ZNRF3: variants seen among roughly 807,000 people sequenced by gnomAD.
ZNRF3 encodes the protein E3 ubiquitin-protein ligase ZNRF3.
A neutral mutation model predicts 72.5 loss-of-function variants in ZNRF3; 23 were observed. The ratio of observed to expected loss-of-function variants is 0.32; its 90% CI spans 0.23 to 0.45. The LOEUF is 0.45. Among genes scored for constraint, ZNRF3 ranks in the 20% least tolerant of loss-of-function variants. The pLI, the probability that ZNRF3 is intolerant of heterozygous loss-of-function variation, is 1.00. For synonymous variants in ZNRF3, 610 were observed against 545.3 expected (o/e 1.12, Z -1.65); for missense variants, 1,169 against 1,272.1 (o/e 0.92, Z 1.23).
intron 1 of ZNRF3, among the ~76,000 whole-genome samples, chr22:28,970,114 G>T (rs1301158925): frequency 6.6e-6 from 1 of 152,168 alleles, no homozygotes; most frequent in Admixed American, 6.5e-5. Context: ...GATAATTACT[G>T]TAAGATTCAA....
intron 2 of ZNRF3, among the ~76,000 whole-genome samples, chr22:29,001,736 G>T (rs1311722311): frequency 6.6e-6 from 1 of 152,164 alleles, no homozygotes; most frequent in Non-Finnish European, 1.5e-5. Context: ...GCCTCCCAAA[G>T]TGCTGGGATT....
intron 1 of ZNRF3, among the ~76,000 whole-genome samples, chr22:28,982,309 G>A (rs965613837): frequency 1.3e-5 from 2 of 151,820 alleles, no homozygotes; most frequent in Admixed American, 1.3e-4. Context: ...ATTAAAATGT[G>A]TAAACCGGTC....
intron 1 of ZNRF3, among the ~76,000 whole-genome samples, chr22:28,975,320 G>A (rs1451926998): frequency 6.6e-6 from 1 of 151,920 alleles, no homozygotes; most frequent in Non-Finnish European, 1.5e-5. Context: ...TGGCCAATAT[G>A]GTGAAACCCT....
At chr22:29,047,853 A>T (rs1407427637) in intron 6 of ZNRF3, among the ~76,000 whole-genome samples, 2 of 152,168 alleles carry the variant, frequency 1.3e-5, no homozygotes, top group Admixed American at 6.5e-5. Flanking sequence ...CTTATAAACC[A>T]CACACCCCAT....
rs971953957 is a variant in ZNRF3 at position 28,884,182 on chromosome 22, G to A, written c.300+116G>A. On this transcript the variant is annotated intron_variant, in intron 1 of 8. Coordinates refer to ENST00000544604, the MANE Select transcript of ZNRF3 (RefSeq NM_001206998.2). ...TGGCGGGCGGGCGGGAGGGGTGGCCGAGAGGCCGGCGGCATCCCTCCCCTG... is the reference window on the plus strand; with the variant it reads ...TGGCGGGCGGGCGGGAGGGGTGGCCAAGAGGCCGGCGGCATCCCTCCCCTG... 3.6e-6 allele frequency: 3 copies of A among 822,956 alleles called. No homozygotes were observed. In the African/African-American group the frequency reaches 5.6e-5, roughly 15 times the overall value. The allele number at this position is 822,956 out of a possible 1,614,324, so 51.0% of individuals were successfully genotyped here. A position where few individuals can be genotyped will look rare whatever the true frequency, so the allele number is the denominator to read the frequency against.
chr22:28,931,587 A>T (rs1196135409), intron 1 of ZNRF3, among the ~76,000 whole-genome samples: 1 of 152,178 alleles, frequency 6.6e-6, no homozygotes, highest in Non-Finnish European at 1.5e-5. Flanking sequence ...AAAAGGGGAA[A>T]CAAAGAGGCT....
At chr22:29,044,641 AC>A in intron 4 of ZNRF3, 138 bp from the exon 5 acceptor site, 1 of 665,724 alleles carries the variant, frequency 1.5e-6, no homozygotes, top group Non-Finnish European at 2.8e-6. Context: ...TGTGAGCAGA[AC>A]CCCAGGAGTT....
chr22:28,936,786 C>T (rs906581036), intron 1 of ZNRF3, among the ~76,000 whole-genome samples: 1 of 152,098 alleles, frequency 6.6e-6, no homozygotes. Context: ...AACAGTCCCT[C>T]GACTGCCTCT....
chr22:28,903,850 T>C (rs1395037871), intron 1 of ZNRF3, among the ~76,000 whole-genome samples: 1 of 152,166 alleles, frequency 6.6e-6, no homozygotes, highest in East Asian at 1.9e-4. Context: ...TGATCCAGAA[T>C]GTGTATAGGG....
intron 1 of ZNRF3, among the ~76,000 whole-genome samples, chr22:28,900,462 T>G (rs561257628): frequency 6.6e-6 from 1 of 152,328 alleles, no homozygotes; most frequent in Admixed American, 6.5e-5. Context: ...CAGTAAAATG[T>G]CTGGAAGGGA....
intron 2 of ZNRF3, among the ~76,000 whole-genome samples, chr22:29,038,507 C>T (rs1220315500): frequency 6.6e-6 from 1 of 151,940 alleles, no homozygotes; most frequent in African/African-American, 2.4e-5. Context: ...TAGTTTTTAA[C>T]TTTTTTGTGG....
chr22:29,020,107 G>A (rs930219320), intron 2 of ZNRF3, among the ~76,000 whole-genome samples: 6 of 151,176 alleles, frequency 4.0e-5, no homozygotes, highest in South Asian at 2.1e-4. Flanking sequence ...ACATCCTCCC[G>A]TATACTTTAA....
intron 1 of ZNRF3, among the ~76,000 whole-genome samples, chr22:28,977,818 A>G (rs16986909): frequency 0.028 from 4,323 of 152,322 alleles, 163 homozygotes; most frequent in African/African-American, 0.087. Flanking sequence ...CCCTAGTTTC[A>G]GTTTTGCCCT....
chr22:28,951,830 G>A (rs943082735), intron 1 of ZNRF3, among the ~76,000 whole-genome samples: 5 of 152,204 alleles, frequency 3.3e-5, no homozygotes, highest in African/African-American at 1.2e-4. Flanking sequence ...AAGAATGCAA[G>A]GTTGAGGACT....
chr22:28,967,407 G>A (rs551465588), intron 1 of ZNRF3, among the ~76,000 whole-genome samples: 7 of 152,134 alleles, frequency 4.6e-5, no homozygotes, highest in Non-Finnish European at 8.8e-5. Context: ...TGACAAAATC[G>A]CCTAATATTT....
intron 1 of ZNRF3, among the ~76,000 whole-genome samples, chr22:28,925,137 T>C (rs1000602126): frequency 6.6e-6 from 1 of 152,224 alleles, no homozygotes; most frequent in Non-Finnish European, 1.5e-5. Flanking sequence ...CAAATCTTGC[T>C]GACAGATAGA....
rs1569284219 is a variant in ZNRF3, at chr22:29,020,776, G to GTGT, written c.427-21719_427-21718insTGT. The stretch of plus-strand genomic sequence containing the variant: ...GGGGCTTTGTTTTTGTGTGTGTGTG[G>GTGT]GTGTGTGTGTGTGTGTGTGTGTGTG... On this transcript the variant is annotated intron_variant, in intron 2 of 8. Transcript: ENST00000544604. Among the ~76,000 whole-genome samples, 681 of 86,114 alleles carry GTGT rather than the reference G, an allele frequency of 7.9e-3. 9 individuals are homozygous for GTGT. Among genetic ancestry groups the GTGT allele is most frequent in the African/African-American group, 0.02 (636 of 32,586 alleles). The allele number at this position is 86,114 out of a possible 152,430, so 56.5% of individuals were successfully genotyped here.
chr22:28,938,640 G>C (rs976083810), intron 1 of ZNRF3, among the ~76,000 whole-genome samples: 2 of 152,140 alleles, frequency 1.3e-5, no homozygotes, highest in Middle Eastern at 3.2e-3. Flanking sequence ...GTTCAGCTTA[G>C]GGTGAACATT....
intron 8 of ZNRF3, 139 bp from the exon 9 acceptor site, chr22:29,053,440 C>T: frequency 1.4e-6 from 1 of 703,364 alleles, no homozygotes; most frequent in Middle Eastern, 4.2e-4. Context: ...TGGAGCCCCT[C>T]TGGGAACAGG....
Sources: gnomAD v4.1 joint callset for allele counts (sites outside exome capture counted in the v4.1 genomes callset) on GRCh38, gnomAD v4.1.1 for gene constraint, MANE v1.5 for transcripts, NCBI Gene and HGNC (gene_info 2026-07-23, HGNC 2026-07-21) for gene names.